Variants in GALNT17 observed in about 807,000 individuals in gnomAD.
GALNT17 encodes UDP-GalNAc:polypeptide N-acetylgalactosaminyltransferase-like 3.
GALNT17 carries 29 observed loss-of-function variants against 63.7 expected under a neutral mutation model. The observed-to-expected ratio is 0.46, with a 90% confidence interval of 0.34 to 0.62. The LOEUF is 0.62. GALNT17 is among the 20% of genes least tolerant of loss of function. The probability of loss-of-function intolerance (pLI) is 0.01; values close to 1 mark genes in which losing one functional copy is unlikely to be tolerated. For missense variants in GALNT17, 603 were observed against 799.6 expected (o/e 0.75, Z 2.97); for synonymous variants, 305 against 318.3 (o/e 0.96, Z 0.45).
intron 2 of GALNT17, among the ~76,000 whole-genome samples, chr7:71,358,691 C>G (rs977013703): frequency 6.6e-6 from 1 of 152,158 alleles, no homozygotes; most frequent in Non-Finnish European, 1.5e-5. Flanking sequence ...TGTTGTAAAA[C>G]GTGTTCAGAG....
At chr7:71,365,707 C>T (rs1485317470) in intron 2 of GALNT17, among the ~76,000 whole-genome samples, 1 of 151,550 alleles carries the variant, frequency 6.6e-6, no homozygotes. Flanking sequence ...ATCCAAATGA[C>T]AGTTGAATAT....
At chr7:71,636,286 A>G (rs905919125) in intron 6 of GALNT17, among the ~76,000 whole-genome samples, 4 of 152,194 alleles carry the variant, frequency 2.6e-5, no homozygotes, top group Non-Finnish European at 4.4e-5. Flanking sequence ...AGCTAGAAGC[A>G]GGGAGTGGGG....
intron 9 of GALNT17, among the ~76,000 whole-genome samples, chr7:71,702,924 C>T (rs1791672678): frequency 6.6e-6 from 1 of 152,094 alleles, no homozygotes; most frequent in Admixed American, 6.5e-5. Flanking sequence ...GGTGGTTACA[C>T]AAGAGGATCA....
chr7:71,653,395 C>T (rs894149639), intron 6 of GALNT17, among the ~76,000 whole-genome samples: 3 of 149,972 alleles, frequency 2.0e-5, no homozygotes, highest in Admixed American at 1.3e-4. Context: ...TACATTGTTT[C>T]GACCTATAAA....
intron 1 of GALNT17, among the ~76,000 whole-genome samples, chr7:71,145,672 A>G (rs961673959): frequency 2.5e-4 from 38 of 152,090 alleles, no homozygotes; most frequent in African/African-American, 8.9e-4. Context: ...TTCTTCCCTG[A>G]TTAATTTTAT....
intron 6 of GALNT17, among the ~76,000 whole-genome samples, chr7:71,603,878 A>G (rs568590152): frequency 2.7e-4 from 41 of 151,896 alleles, no homozygotes; most frequent in Non-Finnish European, 4.1e-4. Flanking sequence ...AAGTGCATAC[A>G]CCAGGTACTG....
intron 5 of GALNT17, among the ~76,000 whole-genome samples, chr7:71,500,488 GTCTCAACTTCCTCC>G (rs1181865394): frequency 5.9e-5 from 9 of 152,040 alleles, no homozygotes; most frequent in Non-Finnish European, 1.3e-4. Context: ...GTCTCCCCAG[GTCTCAACTTCCTCC>G]TCTCTGTTGG....
chr7:71,361,796 GAGAGAGAGAGAC>G (rs1306785628), intron 2 of GALNT17, among the ~76,000 whole-genome samples: 2 of 152,204 alleles, frequency 1.3e-5, no homozygotes, highest in Non-Finnish European at 2.9e-5. Context: ...CAGAGAGAGA[GAGAGAGAGAGAC>G]AGAGAGAGAG....
chr7:71,615,993 T>C (rs554192152), intron 6 of GALNT17, among the ~76,000 whole-genome samples: 1 of 152,080 alleles, frequency 6.6e-6, no homozygotes, highest in Non-Finnish European at 1.5e-5. Flanking sequence ...GCCCAGAATT[T>C]GGATTCAGAA....
chr7:71,587,116 C>G (rs539378908), intron 6 of GALNT17, among the ~76,000 whole-genome samples: 33 of 152,268 alleles, frequency 2.2e-4, no homozygotes, highest in African/African-American at 7.0e-4. Flanking sequence ...CAACCTCTGC[C>G]TCCTGGGTTC....
At position 71,335,507 on chromosome 7, in the gene GALNT17, A is replaced by G. The variant is rs762516794; in HGVS notation, c.239-43A>G. 4.7e-6 allele frequency: 7 copies of G among 1,499,018 alleles called. No homozygotes were observed. The East Asian group carries it at 1.2e-4, about 26-fold the overall frequency. 92.9% of individuals were successfully genotyped at this position (1,499,018 alleles called of 1,614,324 possible). A position where few individuals can be genotyped will look rare whatever the true frequency, so the allele number is the denominator to read the frequency against. ...CGGAGATTGAGTAATACATCCTGGT[A>G]TGGTGGTTTTCTAATAATTCTTTTT... On this transcript the variant is annotated intron_variant, in intron 1 of 10. Coordinates refer to ENST00000333538, the MANE Select transcript of GALNT17 (RefSeq NM_022479.3).
chr7:71,546,414 G>A (rs1185980875), intron 5 of GALNT17, among the ~76,000 whole-genome samples: 1 of 151,972 alleles, frequency 6.6e-6, no homozygotes, highest in Non-Finnish European at 1.5e-5. Context: ...CTTCCACCTT[G>A]GCCTCCCAAA....
Position 71,260,645 on chromosome 7 carries a change from AAGCCTGG to A in GALNT17, c.239-74902_239-74896del, listed in dbSNP as rs1406959893. 3.0e-4 allele frequency among the ~76,000 whole-genome samples: 45 copies of A among 150,640 alleles called. 1 individual carries two copies. The highest frequency in any genetic ancestry group is 2.7e-3 in the Admixed American group (41 of 15,094). On this transcript the variant is annotated intron_variant, in intron 1 of 10. Coordinates refer to ENST00000333538, the MANE Select transcript of GALNT17 (RefSeq NM_022479.3). ...TTTGAGACAGTCTTGCTCTGTCACC[AAGCCTGG>A]AGTGCAGTGGTATGATCCCAGCTCT...
intron 1 of GALNT17, among the ~76,000 whole-genome samples, chr7:71,177,738 A>G (rs1442294303): frequency 1.3e-5 from 2 of 152,238 alleles, no homozygotes; most frequent in Non-Finnish European, 2.9e-5. Flanking sequence ...TCATATGAGC[A>G]TGCATATAGC....
At chr7:71,217,972 G>T (rs2116412492) in intron 1 of GALNT17, among the ~76,000 whole-genome samples, 1 of 152,128 alleles carries the variant, frequency 6.6e-6, no homozygotes, top group African/African-American at 2.4e-5. Context: ...TAAAGCAATA[G>T]CCCATCTCCA....
intron 7 of GALNT17, among the ~76,000 whole-genome samples, chr7:71,669,448 T>C (rs66493746): frequency 0.12 from 17,592 of 151,564 alleles, 1,839 homozygotes; most frequent in East Asian, 0.58. Flanking sequence ...GAGGCCAAGG[T>C]TGCAGTGAGA....
chr7:71,337,342 G>T (rs1791926449), intron 2 of GALNT17, among the ~76,000 whole-genome samples: 1 of 151,754 alleles, frequency 6.6e-6, no homozygotes. Context: ...TATATGTTTT[G>T]ATTTGATATT....
Position 71,257,523 on chromosome 7 carries a change from T to C in GALNT17, c.239-78027T>C, listed in dbSNP as rs555703442. Among the ~76,000 whole-genome samples, 15 of 152,336 alleles carry C rather than the reference T, an allele frequency of 9.8e-5. No homozygotes were observed. In the South Asian group the frequency reaches 3.1e-3, roughly 32 times the overall value. On this transcript the variant is annotated intron_variant, in intron 1 of 10. Coordinates refer to ENST00000333538, the MANE Select transcript of GALNT17 (RefSeq NM_022479.3). ...ATAGAAATGGCTTGTCAATATAATT[T>C]ACTGTATAAAAGCTATAGGTTTGAT...
intron 1 of GALNT17, among the ~76,000 whole-genome samples, chr7:71,171,963 C>A (rs1190787378): frequency 6.6e-6 from 1 of 152,170 alleles, no homozygotes; most frequent in Non-Finnish European, 1.5e-5. Flanking sequence ...CACCCTCCCA[C>A]CCCCAGCCCA....
Sources: gnomAD v4.1 joint callset for allele counts (sites outside exome capture counted in the v4.1 genomes callset) on GRCh38, gnomAD v4.1.1 for gene constraint, MANE v1.5 for transcripts, NCBI Gene and HGNC (gene_info 2026-07-23, HGNC 2026-07-21) for gene names.